Variants in LRP1B observed in about 807,000 individuals in gnomAD.
LRP1B encodes the protein LDL receptor related protein 1B, also known as low-density lipoprotein receptor-related protein 1B.
In LRP1B, 217 loss-of-function variants were observed where a neutral mutation model predicts 556.6. The ratio of observed to expected loss-of-function variants is 0.39; its 90% CI spans 0.35 to 0.44. LRP1B has a LOEUF of 0.44. LRP1B is among the 20% of genes least tolerant of loss of function. The pLI is 1.00. For missense variants in LRP1B, 5,053 were observed against 5,620.8 expected (o/e 0.90, Z 3.23); for synonymous variants, 2,047 against 1,865.8 (o/e 1.10, Z -2.50).
chr2:141,302,710 T>TA (rs1228844959), intron 3 of LRP1B, among the ~76,000 whole-genome samples: 5 of 152,076 alleles, frequency 3.3e-5, no homozygotes, highest in Non-Finnish European at 1.5e-5. Flanking sequence ...ATTTGTTTCA[T>TA]AAAAAACAAA....
rs187819730 is a variant in LRP1B, at chr2:140,982,887, C to T, written c.2771-611G>A. The stretch of plus-strand genomic sequence containing the variant: ...TTTTTTTTTAACTCACTTTTCAGCA[C>T]AATTATTTTAAAAAGTATGACTTTT... On this transcript the variant is annotated intron_variant, in intron 17 of 90. Transcript: ENST00000389484. Among the ~76,000 whole-genome samples, 537 of 151,170 alleles carry T rather than the reference C, an allele frequency of 3.6e-3. 2 individuals carry two copies. Among genetic ancestry groups the T allele is most frequent in the Non-Finnish European group, 5.9e-3 (400 of 67,828 alleles).
intron 2 of LRP1B, among the ~76,000 whole-genome samples, chr2:141,739,573 A>G (rs1693621194): frequency 6.6e-6 from 1 of 152,076 alleles, no homozygotes; most frequent in South Asian, 2.1e-4. Context: ...CCATTTCTTC[A>G]TCTGAAAAAT....
intron 82 of LRP1B, among the ~76,000 whole-genome samples, chr2:140,316,757 AT>A (rs1684536427): frequency 6.6e-6 from 1 of 151,326 alleles, no homozygotes; most frequent in African/African-American, 2.5e-5. Context: ...AAAATATAAA[AT>A]TGTAACACTT....
At chr2:140,491,182 G>T (rs1018133517) in intron 57 of LRP1B, among the ~76,000 whole-genome samples, 8 of 152,090 alleles carry the variant, frequency 5.3e-5, no homozygotes, top group Admixed American at 5.3e-4. Flanking sequence ...GGAAAATGAA[G>T]CAAGAAGCTA....
At chr2:141,139,966 T>C (rs981030416) in intron 7 of LRP1B, among the ~76,000 whole-genome samples, 1 of 151,944 alleles carries the variant, frequency 6.6e-6, no homozygotes, top group Non-Finnish European at 1.5e-5. Context: ...GGTGTATGAA[T>C]AAACAAACTG....
intron 27 of LRP1B, among the ~76,000 whole-genome samples, chr2:140,852,570 C>T (rs146557553): frequency 2.8e-4 from 43 of 152,276 alleles, no homozygotes; most frequent in African/African-American, 9.6e-4. Flanking sequence ...CCTTCAAACA[C>T]GTGCTCTTCT....
At chr2:141,723,655 T>C (rs1558829587) in intron 2 of LRP1B, among the ~76,000 whole-genome samples, 1 of 151,882 alleles carries the variant, frequency 6.6e-6, no homozygotes, top group African/African-American at 2.4e-5. Flanking sequence ...TTAAAGATCT[T>C]TGTTTCTTAA....
intron 43 of LRP1B, among the ~76,000 whole-genome samples, chr2:140,584,387 CAT>C (rs35137673): frequency 0.087 from 13,062 of 149,586 alleles, 710 homozygotes; most frequent in East Asian, 0.23. Flanking sequence ...GAAATGTGCT[CAT>C]ATATATATAT....
intron 41 of LRP1B, among the ~76,000 whole-genome samples, chr2:140,681,106 C>A (rs1402327364): frequency 6.6e-6 from 1 of 152,048 alleles, no homozygotes; most frequent in Non-Finnish European, 1.5e-5. Flanking sequence ...TGATGGGTAC[C>A]AAAGGAAAAT....
At chr2:141,451,293 A>G (rs1474482420) in intron 3 of LRP1B, among the ~76,000 whole-genome samples, 2 of 152,150 alleles carry the variant, frequency 1.3e-5, no homozygotes, top group Non-Finnish European at 2.9e-5. Flanking sequence ...TATCCATCCA[A>G]TGTTTTAAGT....
intron 1 of LRP1B, among the ~76,000 whole-genome samples, chr2:142,037,778 C>T (rs780430433): frequency 2.2e-4 from 34 of 151,348 alleles, no homozygotes; most frequent in Non-Finnish European, 4.6e-4. Flanking sequence ...CAGGTCTAAA[C>T]GTTTATACAT....
intron 66 of LRP1B, among the ~76,000 whole-genome samples, chr2:140,389,939 G>T (rs949088640): frequency 6.6e-6 from 1 of 151,872 alleles, no homozygotes; most frequent in African/African-American, 2.4e-5. Flanking sequence ...GACCAGCCTG[G>T]CCAACTGATT....
At chr2:141,435,621 T>C (rs750627762) in intron 3 of LRP1B, among the ~76,000 whole-genome samples, 5 of 152,206 alleles carry the variant, frequency 3.3e-5, no homozygotes, top group Non-Finnish European at 7.3e-5. Flanking sequence ...GGATTTGCTG[T>C]TTACTGAGTG....
chr2:140,645,471 G>A (rs1382219494), intron 41 of LRP1B, among the ~76,000 whole-genome samples: 1 of 147,130 alleles, frequency 6.8e-6, no homozygotes, highest in Admixed American at 6.8e-5. Flanking sequence ...CTGTCTCTGA[G>A]TAAGAAATTA....
chr2:140,255,724 A>G (rs1396736401), intron 86 of LRP1B, among the ~76,000 whole-genome samples: 1 of 152,220 alleles, frequency 6.6e-6, no homozygotes, highest in Non-Finnish European at 1.5e-5. Context: ...ATACATATAC[A>G]GAGGTCTCAT....
chr2:140,951,805 A>T (rs2105302526), intron 19 of LRP1B, 55 bp downstream of exon 19: 1 of 1,392,972 alleles, frequency 7.2e-7, no homozygotes, highest in Admixed American at 1.7e-5. Flanking sequence ...CAGGCAGTCC[A>T]GACCGCCAAG....
intron 3 of LRP1B, among the ~76,000 whole-genome samples, chr2:141,407,674 C>A (rs1314987972): frequency 6.6e-6 from 1 of 152,154 alleles, no homozygotes; most frequent in Non-Finnish European, 1.5e-5. Flanking sequence ...CCTTCACCTT[C>A]TACCATAATT....
At chr2:141,610,320 T>TATA (rs200146418) in intron 2 of LRP1B, among the ~76,000 whole-genome samples, 53 of 144,604 alleles carry the variant, frequency 3.7e-4, no homozygotes, top group African/African-American at 1.2e-3. Context: ...AAACTTAAAG[T>TATA]ATAATAATAA....
At chr2:140,780,177 G>A (rs1053687233) in intron 32 of LRP1B, among the ~76,000 whole-genome samples, 78 of 152,260 alleles carry the variant, frequency 5.1e-4, no homozygotes, top group African/African-American at 1.8e-3. Context: ...TAGGAGTGGC[G>A]ATAGAAAGAT....
Sources: allele counts gnomAD v4.1 joint callset (sites outside exome capture counted in the v4.1 genomes callset), GRCh38; gene constraint gnomAD v4.1.1; transcripts MANE v1.5; gene names NCBI Gene and HGNC (gene_info 2026-07-23, HGNC 2026-07-21).